Variants in SLC25A26 observed in about 807,000 individuals in gnomAD.
The protein encoded by SLC25A26 is mitochondrial S-adenosylmethionine carrier protein.
A neutral mutation model predicts 37.8 loss-of-function variants in SLC25A26; 36 were observed. The ratio of observed to expected loss-of-function variants is 0.95; its 90% CI spans 0.73 to 1.26. The LOEUF is 1.26. Among genes scored for constraint, SLC25A26 ranks in the 50% most tolerant of loss-of-function variants. The pLI, the probability that SLC25A26 is intolerant of heterozygous loss-of-function variation, is 0.00. For missense variants in SLC25A26, 390 were observed against 331.1 expected, an observed-to-expected ratio of 1.18 and a Z score of -1.38; for synonymous variants, 129 against 122.5, an observed-to-expected ratio of 1.05 and a Z score of -0.35.
chr3:66,309,127 C>T (rs977134099), intron 5 of SLC25A26, among the ~76,000 whole-genome samples: 12 of 151,608 alleles, frequency 7.9e-5, no homozygotes, highest in Admixed American at 2.6e-4. Flanking sequence ...TGGTAGAATT[C>T]GGCTGTGAGC....
At chr3:66,198,872 C>G (rs2071078339) in intron 1 of SLC25A26, among the ~76,000 whole-genome samples, 1 of 151,900 alleles carries the variant, frequency 6.6e-6, no homozygotes, top group Non-Finnish European at 1.5e-5. Context: ...CGTTTTGACC[C>G]TGACCCATTC....
At chr3:66,346,862 G>GTAA (rs1487374172) in intron 6 of SLC25A26, among the ~76,000 whole-genome samples, 2 of 151,982 alleles carry the variant, frequency 1.3e-5, no homozygotes, top group African/African-American at 4.8e-5. Context: ...AGCACCCTGT[G>GTAA]TAAGGACCAC....
At chr3:66,374,713 T>C (rs1700542678) in intron 9 of SLC25A26, among the ~76,000 whole-genome samples, 1 of 152,094 alleles carries the variant, frequency 6.6e-6, no homozygotes, top group South Asian at 2.1e-4. Context: ...CCAAACCCTG[T>C]CTACAAAAAA....
rs945807783 is a variant in SLC25A26 at position 66,304,556 on chromosome 3, C to A, written c.453+41177C>A. ...TATACTGGTAAGCTCTGTAACAACC[C>A]CTGATTGCTGAACATGCTAACTGGG... On this transcript the variant is annotated intron_variant, in intron 5 of 9. Coordinates refer to ENST00000354883, the MANE Select transcript of SLC25A26 (RefSeq NM_001379210.1). 15 of 442,030 alleles carry A rather than the reference C, an allele frequency of 3.4e-5. 1 individual carries two copies. Among genetic ancestry groups the A allele is most frequent in the Admixed American group, 3.0e-4 (12 of 40,156 alleles). 27.4% of individuals were successfully genotyped at this position (442,030 alleles called of 1,614,324 possible).
chr3:66,297,221 G>A (rs527316253), intron 5 of SLC25A26, among the ~76,000 whole-genome samples: 25 of 151,442 alleles, frequency 1.7e-4, no homozygotes, highest in African/African-American at 2.7e-4. Context: ...CCAGCTATTC[G>A]GGAGGCTGAG....
rs1316228094 is a variant in SLC25A26, at chr3:66,243,202, G to T, written c.191-1G>T. 9 of 1,552,462 alleles carry T rather than the reference G, an allele frequency of 5.8e-6. No homozygotes were observed. Among genetic ancestry groups the T allele is most frequent in the Non-Finnish European group, 6.2e-6 (7 of 1,132,250 alleles). ...AAAGACTGGCTTGTTTTAAATTTCA[G>T]CTGCTGCATTTTTTATCACCTATGA... On this transcript the variant is annotated splice_acceptor_variant, in intron 2 of 9. Transcript: ENST00000354883. LOFTEE classifies it high-confidence loss of function.
At chr3:66,342,908 T>A (rs1370579235) in intron 5 of SLC25A26, among the ~76,000 whole-genome samples, 2 of 152,218 alleles carry the variant, frequency 1.3e-5, no homozygotes, top group Non-Finnish European at 2.9e-5. Flanking sequence ...CAAAACATCT[T>A]AAATGGAGGC....
At chr3:66,353,337 A>G (rs1177454680) in intron 6 of SLC25A26, among the ~76,000 whole-genome samples, 1 of 152,184 alleles carries the variant, frequency 6.6e-6, no homozygotes, top group East Asian at 1.9e-4. Context: ...GTTCATCTTC[A>G]TGACAGTCCT....
At chr3:66,321,747 C>G (rs1365974022) in intron 5 of SLC25A26, among the ~76,000 whole-genome samples, 2 of 141,670 alleles carry the variant, frequency 1.4e-5, no homozygotes, top group Non-Finnish European at 3.0e-5. Flanking sequence ...TAGCTTTCTG[C>G]CTACTTTTTT....
At chr3:66,292,135 T>G (rs1363968917) in intron 5 of SLC25A26, among the ~76,000 whole-genome samples, 7 of 152,202 alleles carry the variant, frequency 4.6e-5, no homozygotes, top group Admixed American at 2.0e-4. Flanking sequence ...TGATTTTTTT[T>G]GGTTTCCATT....
chr3:66,279,067 T>C (rs1485999846), intron 5 of SLC25A26, among the ~76,000 whole-genome samples: 2 of 152,212 alleles, frequency 1.3e-5, no homozygotes, highest in African/African-American at 4.8e-5. Flanking sequence ...CTTCTTGCAC[T>C]CTATCAGTTG....
chr3:66,281,786 C>T (rs565641580), intron 5 of SLC25A26, among the ~76,000 whole-genome samples: 31 of 149,058 alleles, frequency 2.1e-4, no homozygotes, highest in African/African-American at 7.4e-4. Context: ...CCTCTTCAGC[C>T]TACTTCTGTG....
chr3:66,145,643 G>A (rs1285173611), intron 1 of SLC25A26, among the ~76,000 whole-genome samples: 1 of 152,220 alleles, frequency 6.6e-6, no homozygotes, highest in South Asian at 2.1e-4. Context: ...AAAAAGTGAA[G>A]TGCCTAGGAA....
chr3:66,349,443 T>G (rs1299874167), intron 6 of SLC25A26, among the ~76,000 whole-genome samples: 1 of 151,938 alleles, frequency 6.6e-6, no homozygotes. Context: ...ATCATAGAAA[T>G]AGATACAGGG....
At chr3:66,191,208 A>C (rs2070935970) in intron 1 of SLC25A26, among the ~76,000 whole-genome samples, 1 of 152,338 alleles carries the variant, frequency 6.6e-6, no homozygotes, top group East Asian at 1.9e-4. Flanking sequence ...TGGCCTGGGC[A>C]ATGTGGCGAA....
chr3:66,156,198 A>C (rs1457811412), intron 1 of SLC25A26, among the ~76,000 whole-genome samples: 2 of 152,184 alleles, frequency 1.3e-5, no homozygotes, highest in Non-Finnish European at 2.9e-5. Flanking sequence ...CACAGTGCTG[A>C]GCACTGGGGT....
At chr3:66,216,707 A>G (rs2071366996), upstream of SLC25A26, among the ~76,000 whole-genome samples, 1 of 151,770 alleles carries the variant, frequency 6.6e-6, no homozygotes, top group Non-Finnish European at 1.5e-5. Flanking sequence ...TTAAGATTTT[A>G]GAGCTTGTTT....
At chr3:66,248,177 G>T (rs1190488995) in intron 3 of SLC25A26, among the ~76,000 whole-genome samples, 1 of 152,210 alleles carries the variant, frequency 6.6e-6, no homozygotes, top group Non-Finnish European at 1.5e-5. Flanking sequence ...ACCATTCCCT[G>T]TAGCAACAGC....
At chr3:66,199,439 A>C (rs1185139409) in intron 1 of SLC25A26, among the ~76,000 whole-genome samples, 5 of 152,044 alleles carry the variant, frequency 3.3e-5, no homozygotes, top group Admixed American at 3.3e-4. Flanking sequence ...CCTGGCCCTG[A>C]CACTGACTTT....
Sources: allele counts gnomAD v4.1 joint callset (sites outside exome capture counted in the v4.1 genomes callset), GRCh38; gene constraint gnomAD v4.1.1; transcripts MANE v1.5; gene names NCBI Gene and HGNC (gene_info 2026-07-23, HGNC 2026-07-21).